The following ADGRA1 variants were observed in gnomAD, a reference collection of about 807,000 sequenced individuals.
ADGRA1 encodes adhesion G protein-coupled receptor A1, also known as G-protein coupled receptor 123.
Under a neutral mutation model 21.3 loss-of-function variants are expected in ADGRA1, and 12 were observed. The ratio of observed to expected loss-of-function variants is 0.56; its 90% CI spans 0.36 to 0.91. ADGRA1 has a LOEUF of 0.91. Ranked by LOEUF, ADGRA1 falls within the 40% of genes least tolerant of loss-of-function variation. ADGRA1 has a pLI of 0.01. For missense variants in ADGRA1, 790 were observed against 805.6 expected, an observed-to-expected ratio of 0.98 and a Z score of 0.23; for synonymous variants, 385 against 368.8, an observed-to-expected ratio of 1.04 and a Z score of -0.50.
chr10:133,127,361 TG>T lies in ADGRA1; in HGVS notation c.500+33del, dbSNP rs755018909. 4.6e-6 allele frequency: 7 copies of T among 1,528,806 alleles called. No individual in the cohort carries two copies. In the South Asian group the frequency reaches 7.2e-5, roughly 16 times the overall value. 94.7% of individuals were successfully genotyped at this position (1,528,806 alleles called of 1,614,324 possible). A position where few individuals can be genotyped will look rare whatever the true frequency, so the allele number is the denominator to read the frequency against. ...GTACCGGGCACCCAGAACCGGGAGCTGGGAGCAGCGGGTGGGCTCTGCCTGA... is the reference window on the plus strand; with the variant it reads ...GTACCGGGCACCCAGAACCGGGAGCTGGAGCAGCGGGTGGGCTCTGCCTGA... On this transcript the variant is annotated intron_variant, in intron 6 of 6. Coordinates refer to ENST00000392607, the MANE Select transcript of ADGRA1 (RefSeq NM_001083909.3).
chr10:133,094,323 C>A (rs1205471111), intron 2 of ADGRA1, among the ~76,000 whole-genome samples: 1 of 152,210 alleles, frequency 6.6e-6, no homozygotes, highest in African/African-American at 2.4e-5. Flanking sequence ...AAGCCACAAA[C>A]GGGAGGCTAA....
rs1852514089 is a variant in ADGRA1 at position 133,130,962 on chromosome 10, C to A, written c.*1451C>A. 6.6e-6 allele frequency: 1 copy of A among 152,234 alleles called. No individual in the cohort carries two copies. Among genetic ancestry groups the A allele is most frequent in the Admixed American group, 6.5e-5 (1 of 15,284 alleles). The allele number at this position is 152,234 out of a possible 1,614,324, so 9.4% of individuals were successfully genotyped here. A position where few individuals can be genotyped will look rare whatever the true frequency, so the allele number is the denominator to read the frequency against. ...ACACACGTAGTAGTGTGTTTTCCAGCCACCCACACACTGGGTTTGCATTGG... is the reference window on the plus strand; with the variant it reads ...ACACACGTAGTAGTGTGTTTTCCAGACACCCACACACTGGGTTTGCATTGG... On this transcript the variant is annotated 3_prime_UTR_variant, in exon 7 of 7. Transcript: ENST00000392607.
intron 5 of ADGRA1, among the ~76,000 whole-genome samples, chr10:133,113,645 T>G (rs1251932841): frequency 6.6e-6 from 1 of 151,386 alleles, no homozygotes; most frequent in Non-Finnish European, 1.5e-5. Flanking sequence ...CTGAGGCCAG[T>G]CCTCAGGATG....
At chr10:133,091,920 C>T (rs1243265138) in intron 2 of ADGRA1, among the ~76,000 whole-genome samples, 1 of 152,198 alleles carries the variant, frequency 6.6e-6, no homozygotes, top group Non-Finnish European at 1.5e-5. Flanking sequence ...AGGGGAGTCT[C>T]GGAGGCCGAG....
intron 5 of ADGRA1, among the ~76,000 whole-genome samples, chr10:133,115,110 G>A (rs903044195): frequency 1.3e-5 from 2 of 152,156 alleles, no homozygotes; most frequent in African/African-American, 2.4e-5. Flanking sequence ...AGAGGGTCCC[G>A]GAAGGGCCCA....
intron 5 of ADGRA1, among the ~76,000 whole-genome samples, chr10:133,118,565 A>G (rs1007050633): frequency 2.6e-5 from 4 of 152,196 alleles, no homozygotes; most frequent in African/African-American, 9.7e-5. Context: ...ACAAGGAGGC[A>G]GGAGAGAGAA....
rs766443280 is a variant in ADGRA1 at position 133,129,187 on chromosome 10, A to G, written c.1359A>G (p.Thr453=). 37 of 1,550,532 alleles carry G rather than the reference A, an allele frequency of 2.4e-5. No individual in the cohort carries two copies. Among genetic ancestry groups the G allele is most frequent in the East Asian group, 9.8e-5 (4 of 40,940 alleles). ...SLDGSPRSSR[T]DSPPSSLDGP... ...ATGGCAGCCCCCGCAGCTCGCGCAC[A>G]GACAGCCCCCCCAGCTCTCTGGATG... The change falls in exon 7 of 7, where the codon ACA becomes ACG. Residue 453 remains threonine, a synonymous_variant. Coordinates refer to ENST00000392607, the MANE Select transcript of ADGRA1 (RefSeq NM_001083909.3).
At chr10:133,104,747 G>A (rs1473685245) in intron 5 of ADGRA1, among the ~76,000 whole-genome samples, 2 of 152,174 alleles carry the variant, frequency 1.3e-5, no homozygotes, top group South Asian at 2.1e-4. Flanking sequence ...CGCCCCCCCG[G>A]TGTCTGGCCA....
At chr10:133,125,731 G>A (rs542437738) in intron 5 of ADGRA1, among the ~76,000 whole-genome samples, 1 of 152,236 alleles carries the variant, frequency 6.6e-6, no homozygotes, top group African/African-American at 2.4e-5. Flanking sequence ...GCCCTGCCTA[G>A]TTTTTACCTA....
At position 133,128,526 on chromosome 10, in the gene ADGRA1, G is replaced by T; in HGVS notation, c.698G>T (p.Gly233Val). The change falls in exon 7 of 7, where the codon GGC becomes GTC. Residue 233 changes from glycine (G) to valine (V), a missense_variant. Gly to Val is a moderately radical substitution (Grantham distance 109). Coordinates refer to ENST00000392607, the MANE Select transcript of ADGRA1 (RefSeq NM_001083909.3). ...TPEGGRGIRP[G>V]TPPAHDAPGA... ...GAGGGCGGCCGTGGGATCCGGCCAG[G>T]CACCCCACCCGCACACGATGCCCCC... The T allele has an allele frequency of 6.5e-7, 1 of 1,547,704 alleles. No homozygotes were observed. Among genetic ancestry groups the T allele is most frequent in the Non-Finnish European group, 8.7e-7 (1 of 1,147,438 alleles).
At position 133,129,344 on chromosome 10, in the gene ADGRA1, C is replaced by T; in HGVS notation, c.1516C>T (p.Leu506Phe). The change falls in exon 7 of 7, where the codon CTC becomes TTC. Residue 506 changes from leucine to phenylalanine, a missense_variant. Around this residue, in one of 3 missense-constraint regions of ADGRA1, gnomAD observed 391 missense variants for 351.5 expected, o/e 1.11. Coordinates refer to ENST00000392607, the MANE Select transcript of ADGRA1 (RefSeq NM_001083909.3). ...CACGCAGCCGGGCAGGGAGGCAGCG[C>T]TCGGGCCCGGCCACTTGGAGATGCT... Reference protein sequence around the residue: ...CPTQPGREAALGPGHLEMLRR... With the variant: ...CPTQPGREAAFGPGHLEMLRR... 6.3e-7 allele frequency: 1 copy of T among 1,580,018 alleles called. No individual in the cohort carries two copies. Among genetic ancestry groups the T allele is most frequent in the Non-Finnish European group, 8.6e-7 (1 of 1,164,994 alleles).
At chr10:133,108,871 C>T (rs1851938292) in intron 5 of ADGRA1, among the ~76,000 whole-genome samples, 2 of 144,388 alleles carry the variant, frequency 1.4e-5, no homozygotes, top group East Asian at 2.1e-4. Context: ...CCTCCATGGT[C>T]CCAGCTCCAC....
intron 2 of ADGRA1, among the ~76,000 whole-genome samples, chr10:133,091,352 T>G (rs1851592977): frequency 6.6e-6 from 1 of 152,064 alleles, no homozygotes; most frequent in Non-Finnish European, 1.5e-5. Flanking sequence ...TGCCGTGGGA[T>G]GGGCGGTGTG....
intron 5 of ADGRA1, among the ~76,000 whole-genome samples, chr10:133,120,270 T>C (rs1852230198): frequency 1.3e-5 from 2 of 152,264 alleles, no homozygotes; most frequent in African/African-American, 4.8e-5. Context: ...CTGGGCGTGG[T>C]GGCAGGTGCC....
Position 133,122,351 on chromosome 10 carries a change from G to A in ADGRA1, c.402-4882G>A, listed in dbSNP as rs184227161. Among the ~76,000 whole-genome samples the A allele has an allele frequency of 5.9e-5, 9 of 152,308 alleles. No individual in the cohort carries two copies. In the East Asian group the frequency reaches 1.4e-3, roughly 23 times the overall value. ...TCGCCCCGTTTCCCCGTGTCCCAGC[G>A]TGTGCTGATTCCGACCATCAGCTCC... On this transcript the variant is annotated intron_variant, in intron 5 of 6. Coordinates refer to ENST00000392607, the MANE Select transcript of ADGRA1 (RefSeq NM_001083909.3).
intron 5 of ADGRA1, among the ~76,000 whole-genome samples, chr10:133,104,684 T>C (rs1001094195): frequency 2.0e-5 from 3 of 152,118 alleles, no homozygotes; most frequent in Non-Finnish European, 4.4e-5. Flanking sequence ...CAGTGCCGTG[T>C]TCCAGCTGTG....
intron 2 of ADGRA1, among the ~76,000 whole-genome samples, chr10:133,090,356 C>T (rs1334655922): frequency 1.3e-5 from 2 of 152,258 alleles, no homozygotes; most frequent in Admixed American, 6.5e-5. Context: ...CCTGGCAGCC[C>T]AGAGCTCCTG....
At chr10:133,104,406 C>A (rs1406515078) in intron 5 of ADGRA1, among the ~76,000 whole-genome samples, 1 of 152,226 alleles carries the variant, frequency 6.6e-6, no homozygotes, top group Non-Finnish European at 1.5e-5. Context: ...AGGCTGGCAG[C>A]CGTGGAACAC....
chr10:133,122,676 A>G (rs1852294228), intron 5 of ADGRA1, among the ~76,000 whole-genome samples: 1 of 152,242 alleles, frequency 6.6e-6, no homozygotes, highest in Non-Finnish European at 1.5e-5. Flanking sequence ...ACACACCAGC[A>G]CAGCCAGGAA....
Sources: gnomAD v4.1 joint callset for allele counts (sites outside exome capture counted in the v4.1 genomes callset) on GRCh38, gnomAD v4.1.1 for gene constraint, gnomAD v4.1.1 regional missense constraint, MANE v1.5 for transcripts, NCBI Gene and HGNC (gene_info 2026-07-23, HGNC 2026-07-21) for gene names.